Variants in RASAL2 observed in about 807,000 individuals in gnomAD.
RASAL2 encodes ras GTPase-activating protein nGAP.
In RASAL2, 58 loss-of-function variants were observed where a neutral mutation model predicts 128.9. That is an observed-to-expected ratio of 0.45 (90% confidence interval 0.36 to 0.56). The LOEUF (loss-of-function observed/expected upper bound fraction) is 0.56. RASAL2 is among the 20% of genes least tolerant of loss of function. The pLI is 0.00. For missense variants in RASAL2, 1,360 were observed against 1,601.6 expected (o/e 0.85, Z 2.57); for synonymous variants, 561 against 580.8 (o/e 0.97, Z 0.49).
At chr1:178,112,081 A>G (rs1659343903) in intron 1 of RASAL2, among the ~76,000 whole-genome samples, 1 of 152,126 alleles carries the variant, frequency 6.6e-6, no homozygotes, top group Admixed American at 6.5e-5. Context: ...TGAAGTCCTC[A>G]TATATTTTGG....
At chr1:178,360,434 G>C (rs1433400916) in intron 3 of RASAL2, among the ~76,000 whole-genome samples, 1 of 152,180 alleles carries the variant, frequency 6.6e-6, no homozygotes, top group African/African-American at 2.4e-5. Flanking sequence ...CAGGTAGAAG[G>C]GTGCAAACTC....
chr1:178,167,832 C>G (rs1661569481), intron 1 of RASAL2, among the ~76,000 whole-genome samples: 1 of 151,880 alleles, frequency 6.6e-6, no homozygotes, highest in African/African-American at 2.4e-5. Flanking sequence ...GAAAGAAACT[C>G]ACATGTATGT....
chr1:178,219,632 G>GAAAA (rs34519020), intron 1 of RASAL2, among the ~76,000 whole-genome samples: 2 of 108,654 alleles, frequency 1.8e-5, no homozygotes, highest in African/African-American at 3.4e-5. Context: ...TCTGCCTCAG[G>GAAAA]AAAAAAAAAA....
intron 3 of RASAL2, among the ~76,000 whole-genome samples, chr1:178,367,841 T>G (rs1014911143): frequency 1.3e-5 from 2 of 152,338 alleles, no homozygotes; most frequent in East Asian, 3.9e-4. Context: ...AATAGTTACT[T>G]TACTTTTCAA....
chr1:178,269,678 A>G (rs1021197467), intron 1 of RASAL2, among the ~76,000 whole-genome samples: 1 of 152,148 alleles, frequency 6.6e-6, no homozygotes, highest in Non-Finnish European at 1.5e-5. Flanking sequence ...ATGACAACGT[A>G]CCCTATATGG....
chr1:178,116,426 T>C (rs76232179), intron 1 of RASAL2, among the ~76,000 whole-genome samples: 5,250 of 152,204 alleles, frequency 0.034, 116 homozygotes, highest in Non-Finnish European at 0.051. Context: ...AGAACTCTTA[T>C]GCACATTGAG....
At chr1:178,143,014 G>A (rs1038876673) in intron 1 of RASAL2, among the ~76,000 whole-genome samples, 4 of 151,774 alleles carry the variant, frequency 2.6e-5, no homozygotes, top group Non-Finnish European at 4.4e-5. Context: ...TCTTTGGCAC[G>A]CTTCACAGGC....
chr1:178,151,084 T>A (rs777867287), intron 1 of RASAL2, among the ~76,000 whole-genome samples: 1 of 152,134 alleles, frequency 6.6e-6, no homozygotes, highest in Non-Finnish European at 1.5e-5. Flanking sequence ...GAGTTCAATG[T>A]TAATGAATCA....
intron 1 of RASAL2, among the ~76,000 whole-genome samples, chr1:178,169,316 TG>T (rs1661627346): frequency 6.6e-6 from 1 of 152,178 alleles, no homozygotes; most frequent in African/African-American, 2.4e-5. Flanking sequence ...AGGGGATCTT[TG>T]GCGACACTTC....
chr1:178,380,846 T>C lies in RASAL2; in HGVS notation c.458-9254T>C, dbSNP rs114980777. On this transcript the variant is annotated intron_variant, in intron 3 of 17. Coordinates refer to ENST00000367649, the MANE Select transcript of RASAL2 (RefSeq NM_170692.4). ...TAAGACCTCCATTATGGAACACTAGTATCAGTATTAGTCAGGAATATAGTT... is the reference window on the plus strand; with the variant it reads ...TAAGACCTCCATTATGGAACACTAGCATCAGTATTAGTCAGGAATATAGTT... 3.4e-3 allele frequency among the ~76,000 whole-genome samples: 515 copies of C among 152,258 alleles called. 4 individuals carry two copies. Among genetic ancestry groups the C allele is most frequent in the African/African-American group, 0.012 (499 of 41,566 alleles).
intron 3 of RASAL2, among the ~76,000 whole-genome samples, chr1:178,313,093 A>G (rs1385908593): frequency 6.6e-6 from 1 of 152,226 alleles, no homozygotes; most frequent in South Asian, 2.1e-4. Context: ...CCTGACCACT[A>G]TGCTACAGTC....
rs140709606 is a variant in RASAL2, at chr1:178,454,517, C to G, written c.2080C>G (p.Arg694Gly). 6.2e-7 allele frequency: 1 copy of G among 1,613,508 alleles called. No homozygotes were observed. Among genetic ancestry groups the G allele is most frequent in the South Asian group, 1.1e-5 (1 of 91,070 alleles). The change falls in exon 12 of 18, where the codon CGC (arginine) becomes GGC (glycine). Residue 694 changes from arginine (R) to glycine (G), a missense_variant. Arg to Gly is a moderately radical substitution (Grantham distance 125). This residue lies in a region of RASAL2 where 741 missense variants were observed against 868.6 expected (regional missense o/e 0.85). Transcript: ENST00000367649. ...AGAACATGAATGGGGTGGAATGAAG[C>G]GCTTTCTTTTGGAGATCTCTAATCC... ...FLEHEWGGMKRFLLEISNPDT... is the reference protein window; with the variant it reads ...FLEHEWGGMKGFLLEISNPDT...
chr1:178,162,484 T>A (rs1661357178), intron 1 of RASAL2, among the ~76,000 whole-genome samples: 1 of 125,476 alleles, frequency 8.0e-6, no homozygotes, highest in Non-Finnish European at 1.6e-5. Flanking sequence ...TTATATTTTA[T>A]ATAATATATA....
intron 3 of RASAL2, among the ~76,000 whole-genome samples, chr1:178,318,622 CTT>C (rs1410218376): frequency 1.3e-5 from 2 of 151,054 alleles, no homozygotes; most frequent in African/African-American, 4.8e-5. Context: ...CAACCCCTGT[CTT>C]TTTTTGTTTT....
chr1:178,417,092 T>A (rs1295135132), intron 4 of RASAL2, among the ~76,000 whole-genome samples: 1 of 152,010 alleles, frequency 6.6e-6, no homozygotes, highest in East Asian at 1.9e-4. Context: ...TTGTTTCTGA[T>A]TTTCTATTTC....
intron 2 of RASAL2, among the ~76,000 whole-genome samples, chr1:178,295,938 T>G (rs1353505722): frequency 2.0e-5 from 3 of 152,176 alleles, no homozygotes; most frequent in African/African-American, 7.2e-5. Context: ...TTCCTGTACT[T>G]GACTATCTGT....
At chr1:178,290,333 A>G (rs55761228) in intron 2 of RASAL2, among the ~76,000 whole-genome samples, 4 of 152,194 alleles carry the variant, frequency 2.6e-5, no homozygotes, top group Non-Finnish European at 5.9e-5. Context: ...AATATCTTCT[A>G]TCCTTTCTTT....
At chr1:178,237,375 T>C (rs1211809293) in intron 1 of RASAL2, among the ~76,000 whole-genome samples, 1 of 152,034 alleles carries the variant, frequency 6.6e-6, no homozygotes, top group African/African-American at 2.4e-5. Flanking sequence ...AGGATATACA[T>C]TTGGAAGCCA....
chr1:178,399,719 T>G (rs1183504914), intron 4 of RASAL2, among the ~76,000 whole-genome samples: 1 of 152,244 alleles, frequency 6.6e-6, no homozygotes, highest in Non-Finnish European at 1.5e-5. Context: ...ATAGTACGTT[T>G]AATGACATTG....
Sources: gnomAD v4.1 joint callset for allele counts (sites outside exome capture counted in the v4.1 genomes callset) on GRCh38, gnomAD v4.1.1 for gene constraint, gnomAD v4.1.1 regional missense constraint, MANE v1.5 for transcripts, NCBI Gene and HGNC (gene_info 2026-07-23, HGNC 2026-07-21) for gene names.